DPY30: variants seen among roughly 807,000 people sequenced by gnomAD.
DPY30 encodes dpy-30 histone methyltransferase complex regulatory subunit.
DPY30 carries 6 observed loss-of-function variants against 16.2 expected under a neutral mutation model. The ratio of observed to expected loss-of-function variants is 0.37; its 90% CI spans 0.20 to 0.73. The LOEUF (loss-of-function observed/expected upper bound fraction) is 0.73, where lower values mean the gene tolerates loss of function less well. DPY30 is among the 30% of genes least tolerant of loss of function. The pLI is 0.51. For missense variants in DPY30, 73 were observed against 113.1 expected, an observed-to-expected ratio of 0.65 and a Z score of 1.61; for synonymous variants, 39 against 38.8, an observed-to-expected ratio of 1.00 and a Z score of -0.02.
chr2:32,016,295 T>A (rs1390846320), intron 5 of DPY30, among the ~76,000 whole-genome samples: 1 of 152,234 alleles, frequency 6.6e-6, no homozygotes, highest in Non-Finnish European at 1.5e-5. Flanking sequence ...ACTTTTCTTC[T>A]TTGCTAATTT....
chr2:32,035,521 C>T lies in DPY30; in HGVS notation c.84+3758G>A, dbSNP rs376877683. On this transcript the variant is annotated intron_variant, in intron 3 of 4. Transcript: ENST00000342166. ...AGGGGAATCACTTGAACCCAGGAAG[C>T]GGAGATTATAGTGAGCCAAGATCGC... 6.0e-5 allele frequency among the ~76,000 whole-genome samples: 9 copies of T among 150,002 alleles called. No homozygotes were observed. In the South Asian group the frequency reaches 1.1e-3, roughly 18 times the overall value.
At chr2:32,013,923 G>T (rs1675015152) in intron 5 of DPY30, among the ~76,000 whole-genome samples, 1 of 151,526 alleles carries the variant, frequency 6.6e-6, no homozygotes, top group Admixed American at 6.6e-5. Flanking sequence ...CAGGAGAATC[G>T]CTTGAACCTG....
Position 32,029,659 on chromosome 2 carries a change from A to G in DPY30, c.162T>C (p.Arg54=), listed in dbSNP as rs1429590524. 2.5e-6 allele frequency: 4 copies of G among 1,613,984 alleles called. No homozygotes were observed. Among genetic ancestry groups the G allele is most frequent in the Non-Finnish European group, 3.4e-6 (4 of 1,180,020 alleles). ...GCACAACTGTCTGATCCAGGTAGGCACGAGTTGGCAAAGACTGGAGATCTA... is the reference window on the plus strand; with the variant it reads ...GCACAACTGTCTGATCCAGGTAGGCGCGAGTTGGCAAAGACTGGAGATCTA... ...QKVDLQSLPT[R]AYLDQTVVPI... The change falls in exon 4 of 5, where the codon CGT becomes CGC. Residue 54 remains arginine (R), a synonymous_variant. Transcript: ENST00000342166.
chr2:32,017,007 C>T (rs1163253810), intron 5 of DPY30, among the ~76,000 whole-genome samples: 6 of 151,916 alleles, frequency 3.9e-5, no homozygotes, highest in African/African-American at 7.3e-5. Context: ...CTCAGCCTCC[C>T]GAGTAGCTGG....
intron 5 of DPY30, chr2:32,013,476 G>A (rs1020363787): frequency 1.3e-5 from 2 of 152,092 alleles, no homozygotes; most frequent in African/African-American, 4.8e-5. Flanking sequence ...CCTTGAAAGA[G>A]GTTGAAACTA....
downstream of DPY30, chr2:32,023,728 G>A: frequency 1.5e-6 from 2 of 1,304,260 alleles, no homozygotes. Context: ...CCTCAGAAAG[G>A]TCCAGAAACA....
chr2:32,022,209 C>CA (rs200317417), downstream of DPY30, among the ~76,000 whole-genome samples: 1,855 of 64,010 alleles, frequency 0.029, 14 homozygotes, highest in Admixed American at 0.041. Context: ...GACCTTGTCT[C>CA]AAAAAAAAAA....
intron 3 of DPY30, among the ~76,000 whole-genome samples, chr2:32,031,713 T>C (rs1417484078): frequency 1.3e-5 from 2 of 151,930 alleles, no homozygotes; most frequent in African/African-American, 4.8e-5. Context: ...ACCAACATGG[T>C]GGAACCCTGT....
intron 5 of DPY30, among the ~76,000 whole-genome samples, chr2:32,016,496 G>T (rs921229006): frequency 6.6e-6 from 1 of 152,042 alleles, no homozygotes; most frequent in Non-Finnish European, 1.5e-5. Context: ...CGATTCTATC[G>T]CTTCTAACAG....
Position 32,032,649 on chromosome 2 carries a change from C to T in DPY30, c.85-2913G>A, listed in dbSNP as rs143068163. 1.7e-3 allele frequency among the ~76,000 whole-genome samples: 258 copies of T among 152,264 alleles called. 1 individual carries two copies. Among genetic ancestry groups the T allele is most frequent in the Non-Finnish European group, 3.3e-3 (222 of 68,032 alleles). On this transcript the variant is annotated intron_variant, in intron 3 of 4. Transcript: ENST00000342166. Reference sequence around the variant, plus strand: ...CCAAGGCAGGAGGACTGCTTGAGCACAGGAGTTTGAAACCAGCTTGAGCAA... The same window carrying T: ...CCAAGGCAGGAGGACTGCTTGAGCATAGGAGTTTGAAACCAGCTTGAGCAA...
chr2:32,017,469 T>C (rs1345796393), intron 5 of DPY30, among the ~76,000 whole-genome samples: 1 of 151,762 alleles, frequency 6.6e-6, no homozygotes, highest in African/African-American at 2.4e-5. Flanking sequence ...ATACAAAAAT[T>C]AGCCGGGCAT....
At chr2:32,020,095 T>C (rs1273568789), downstream of DPY30, among the ~76,000 whole-genome samples, 1 of 151,924 alleles carries the variant, frequency 6.6e-6, no homozygotes, top group Admixed American at 6.6e-5. Flanking sequence ...GGTGTGTGCC[T>C]GTAGTCCCAC....
At chr2:32,037,462 C>A (rs944995211) in intron 3 of DPY30, among the ~76,000 whole-genome samples, 1 of 152,028 alleles carries the variant, frequency 6.6e-6, no homozygotes, top group Non-Finnish European at 1.5e-5. Flanking sequence ...CGTACCGTCA[C>A]ACCCAGCTAA....
chr2:32,031,721 T>C (rs1471060212), intron 3 of DPY30, among the ~76,000 whole-genome samples: 1 of 151,932 alleles, frequency 6.6e-6, no homozygotes, highest in Non-Finnish European at 1.5e-5. Context: ...GGTGGAACCC[T>C]GTCTCTACTA....
intron 3 of DPY30, among the ~76,000 whole-genome samples, chr2:32,038,648 T>C (rs1427257052): frequency 4.2e-5 from 1 of 23,630 alleles, no homozygotes; most frequent in Non-Finnish European, 8.0e-5. Flanking sequence ...TATTTTTTAC[T>C]TTTTTTTTTT....
downstream of DPY30, among the ~76,000 whole-genome samples, chr2:32,022,510 A>AT (rs70964747): frequency 0.44 from 65,006 of 149,190 alleles, 14,257 homozygotes; most frequent in East Asian, 0.57. Flanking sequence ...GTATTTATGT[A>AT]TTTTTTTTTT....
intron 5 of DPY30, among the ~76,000 whole-genome samples, chr2:32,012,798 T>G (rs1351875595): frequency 6.6e-6 from 1 of 152,168 alleles, no homozygotes; most frequent in Non-Finnish European, 1.5e-5. Flanking sequence ...ATGGTACTGT[T>G]CTGACAGTAC....
At chr2:32,027,000 G>A (rs1399291874) in intron 4 of DPY30, among the ~76,000 whole-genome samples, 2 of 150,740 alleles carry the variant, frequency 1.3e-5, no homozygotes, top group African/African-American at 2.4e-5. Flanking sequence ...TAAGGGCCAG[G>A]CACGATGGCT....
At chr2:32,037,172 G>T (rs939323010) in intron 3 of DPY30, among the ~76,000 whole-genome samples, 1 of 152,226 alleles carries the variant, frequency 6.6e-6, no homozygotes, top group African/African-American at 2.4e-5. Flanking sequence ...CTTTGGGCAG[G>T]AGGAAAATGA....
Sources: allele counts gnomAD v4.1 joint callset (sites outside exome capture counted in the v4.1 genomes callset), GRCh38; gene constraint gnomAD v4.1.1; transcripts MANE v1.5; gene names NCBI Gene and HGNC (gene_info 2026-07-23, HGNC 2026-07-21).